Variants in NEGR1 observed in about 807,000 individuals in gnomAD.
NEGR1 encodes the protein neuronal growth regulator 1, also known as IgLON family member 4.
NEGR1 carries 10 observed loss-of-function variants against 40.9 expected under a neutral mutation model. The observed-to-expected ratio is 0.24, with a 90% CI of 0.15 to 0.42. NEGR1 has a LOEUF of 0.42. NEGR1 is among the 10% of genes least tolerant of loss of function. The probability of loss-of-function intolerance (pLI) is 1.00; values close to 1 mark genes in which losing one functional copy is unlikely to be tolerated. For missense variants in NEGR1, 352 were observed against 438.9 expected (o/e 0.80, Z 1.77); for synonymous variants, 185 against 166.8 (o/e 1.11, Z -0.84).
chr1:72,040,942 T>C (rs1190387559), intron 1 of NEGR1, among the ~76,000 whole-genome samples: 1 of 151,930 alleles, frequency 6.6e-6, no homozygotes, highest in African/African-American at 2.4e-5. Flanking sequence ...AAGCACTCTA[T>C]CCCTCTCCAG....
intron 6 of NEGR1, among the ~76,000 whole-genome samples, chr1:71,534,824 C>G (rs77536382): frequency 0.014 from 2,196 of 151,640 alleles, 48 homozygotes; most frequent in African/African-American, 0.042. Flanking sequence ...GGCTTATTGA[C>G]TATAAAATGT....
chr1:71,760,016 C>G (rs1323543965), intron 3 of NEGR1, among the ~76,000 whole-genome samples: 2 of 152,092 alleles, frequency 1.3e-5, no homozygotes, highest in Non-Finnish European at 2.9e-5. Flanking sequence ...GGGAAAGACT[C>G]TTGAAAAAAT....
chr1:71,698,739 AAGGG>A (rs1653574283), intron 3 of NEGR1, among the ~76,000 whole-genome samples: 1 of 151,888 alleles, frequency 6.6e-6, no homozygotes, highest in Non-Finnish European at 1.5e-5. Context: ...ATGACTCTCT[AAGGG>A]TTAAGTTTTC....
intron 6 of NEGR1, chr1:71,463,283 A>G (rs900232957): frequency 3.3e-5 from 5 of 152,140 alleles, no homozygotes; most frequent in Admixed American, 6.6e-5. Flanking sequence ...TAAATAGGGT[A>G]CTGTTTTGTT....
In NEGR1 at chr1:71,909,876, C is replaced by T. The variant is rs533074771; in HGVS notation, c.409+25203G>A. Among the ~76,000 whole-genome samples the T allele has an allele frequency of 3.0e-3, 459 of 152,222 alleles. 4 individuals are homozygous for T. The highest frequency in any genetic ancestry group is 0.011 in the African/African-American group (441 of 41,542). ...CAAATATTACATCAGAAATATTAAA[C>T]ATGTGTAATCAAAGTCATCAATTGT... On this transcript the variant is annotated intron_variant, in intron 2 of 6. Transcript: ENST00000357731.
At chr1:71,964,220 C>T (rs527424222) in intron 1 of NEGR1, among the ~76,000 whole-genome samples, 1 of 152,264 alleles carries the variant, frequency 6.6e-6, no homozygotes, top group Admixed American at 6.5e-5. Context: ...ATGGCCTTGA[C>T]ACCCCCATCG....
chr1:71,643,313 C>T (rs781312276), intron 4 of NEGR1, among the ~76,000 whole-genome samples: 1 of 151,898 alleles, frequency 6.6e-6, no homozygotes, highest in Non-Finnish European at 1.5e-5. Flanking sequence ...ATGTATCAGC[C>T]AACATCTTCT....
chr1:71,916,003 G>A (rs1264829092), intron 2 of NEGR1, among the ~76,000 whole-genome samples: 1 of 152,106 alleles, frequency 6.6e-6, no homozygotes, highest in Non-Finnish European at 1.5e-5. Context: ...CAAAAACACA[G>A]AGGTGTGACA....
At chr1:72,132,843 A>G (rs1650308859) in intron 1 of NEGR1, among the ~76,000 whole-genome samples, 1 of 152,170 alleles carries the variant, frequency 6.6e-6, no homozygotes, top group African/African-American at 2.4e-5. Flanking sequence ...ATATATTAGT[A>G]AAGTTATGAC....
At chr1:72,165,840 AAGG>A (rs1651745296) in intron 1 of NEGR1, among the ~76,000 whole-genome samples, 1 of 152,048 alleles carries the variant, frequency 6.6e-6, no homozygotes, top group African/African-American at 2.4e-5. Context: ...GCAAAAAGGA[AAGG>A]AGGACTATGA....
At chr1:72,265,751 A>C (rs1275755285) in intron 1 of NEGR1, among the ~76,000 whole-genome samples, 1 of 150,968 alleles carries the variant, frequency 6.6e-6, no homozygotes, top group Non-Finnish European at 1.5e-5. Flanking sequence ...ATAAATTTTA[A>C]AAATAATTTT....
chr1:71,636,828 G>A (rs1287581518), intron 4 of NEGR1, among the ~76,000 whole-genome samples: 2 of 152,012 alleles, frequency 1.3e-5, no homozygotes, highest in African/African-American at 4.8e-5. Context: ...ATAGTGGTTC[G>A]AAATGTTCTT....
intron 3 of NEGR1, among the ~76,000 whole-genome samples, chr1:71,728,299 C>T (rs1395959061): frequency 2.0e-5 from 3 of 152,064 alleles, no homozygotes; most frequent in Non-Finnish European, 4.4e-5. Flanking sequence ...TTTGGAGACA[C>T]AGAGGAATAA....
rs375919789 is a variant in NEGR1 at position 72,240,383 on chromosome 1, G to C, written c.176+41936C>G. Among the ~76,000 whole-genome samples, 57 of 151,930 alleles carry C rather than the reference G, an allele frequency of 3.8e-4. No homozygotes were observed. The South Asian group carries it at 8.7e-3, about 23-fold the overall frequency. ...CATCTCAAATGGTTCAGCTTTCAGA[G>C]TTTTGACTGAAAAGTTAAATAAGCA... On this transcript the variant is annotated intron_variant, in intron 1 of 6. Coordinates refer to ENST00000357731, the MANE Select transcript of NEGR1 (RefSeq NM_173808.3).
chr1:72,108,574 G>A (rs1212247458), intron 1 of NEGR1, among the ~76,000 whole-genome samples: 1 of 151,288 alleles, frequency 6.6e-6, no homozygotes, highest in Non-Finnish European at 1.5e-5. Context: ...CATTGCAATG[G>A]CATATGACTT....
chr1:71,844,962 G>T lies in NEGR1; in HGVS notation c.410-68665C>A, dbSNP rs144844762. ...CTATAGGAGTTCAGATTTGCAGACA[G>T]AAATTATTTCAGGTTTTGAACATAT... On this transcript the variant is annotated intron_variant, in intron 2 of 6. Transcript: ENST00000357731. 4.5e-4 allele frequency among the ~76,000 whole-genome samples: 69 copies of T among 152,266 alleles called. 1 individual carries two copies. Among genetic ancestry groups the T allele is most frequent in the African/African-American group, 1.6e-3 (68 of 41,560 alleles).
At chr1:72,260,641 AACTG>A (rs144340499) in intron 1 of NEGR1, among the ~76,000 whole-genome samples, 6,499 of 152,102 alleles carry the variant, frequency 0.043, 469 homozygotes, top group African/African-American at 0.15. Context: ...ATACTTTTCA[AACTG>A]ACTAACTTGC....
At chr1:72,177,992 G>A (rs761887975) in intron 1 of NEGR1, among the ~76,000 whole-genome samples, 4 of 151,900 alleles carry the variant, frequency 2.6e-5, no homozygotes, top group Non-Finnish European at 5.9e-5. Context: ...AGAATCTCAA[G>A]GGCTTACAAA....
chr1:71,961,417 C>T (rs1254167259), intron 1 of NEGR1, among the ~76,000 whole-genome samples: 2 of 152,086 alleles, frequency 1.3e-5, no homozygotes, highest in Non-Finnish European at 2.9e-5. Context: ...GAGGGTAAGG[C>T]TTAACTAAAA....
Sources: gnomAD v4.1 joint callset for allele counts (sites outside exome capture counted in the v4.1 genomes callset) on GRCh38, gnomAD v4.1.1 for gene constraint, MANE v1.5 for transcripts, NCBI Gene and HGNC (gene_info 2026-07-23, HGNC 2026-07-21) for gene names.